GNL3L: variants seen among roughly 807,000 people sequenced by gnomAD.
GNL3L encodes G protein nucleolar 3 like.
Under a neutral mutation model 42.9 loss-of-function variants are expected in GNL3L, and 4 were observed. The observed-to-expected ratio is 0.09, with a 90% confidence interval of 0.05 to 0.21. GNL3L has a LOEUF of 0.21. Among genes scored for constraint, GNL3L ranks in the 10% least tolerant of loss-of-function variants. GNL3L has a pLI of 1.00. For missense variants in GNL3L, 412 were observed against 481.7 expected (o/e 0.86, Z 1.36); for synonymous variants, 159 against 176.3 (o/e 0.90, Z 0.78).
chrX:54,634,183 C>A, the GNL3L span, among the ~76,000 whole-genome samples: 1 of 112,331 alleles, frequency 8.9e-6, no homozygotes, highest in Non-Finnish European at 1.9e-5. Context: ...AATCCTTGGC[C>A]ATTATTTCTT....
intron 16 of GNL3L, among the ~76,000 whole-genome samples, chrX:54,606,682 C>T (rs1245827868): frequency 9.4e-6 from 1 of 106,262 alleles, no homozygotes; most frequent in Admixed American, 1.0e-4. Flanking sequence ...AGTCTGTCTC[C>T]CAGTATGGAA....
intron 2 of GNL3L, among the ~76,000 whole-genome samples, chrX:54,535,772 G>A (rs1248865003): frequency 9.1e-6 from 1 of 110,204 alleles, no homozygotes; most frequent in Non-Finnish European, 1.9e-5. Flanking sequence ...TCCTTTTTTT[G>A]TTGTTTTTTT....
In GNL3L at chrX:54,544,219, C is replaced by T; in HGVS notation, c.527-4C>T. 9.0e-7 allele frequency: 1 copy of T among 1,109,483 alleles called. No individual in the cohort carries two copies. Among genetic ancestry groups the T allele is most frequent in the Non-Finnish European group, 1.2e-6 (1 of 803,658 alleles). The allele number at this position is 1,109,483 out of a possible 1,213,427, so 91.4% of individuals were successfully genotyped here. Reference sequence around the variant, plus strand: ...AGCCCCATCTGTTCCTATATTTACCCCAGACCTGGTCCCCAAGGAGGTTGT... The same window carrying T: ...AGCCCCATCTGTTCCTATATTTACCTCAGACCTGGTCCCCAAGGAGGTTGT... On this transcript the variant is annotated splice_polypyrimidine_tract_variant and splice_region_variant and intron_variant, in intron 7 of 15. Coordinates refer to ENST00000360845, the MANE Select transcript of GNL3L (RefSeq NM_001184819.2).
intron 16 of GNL3L, among the ~76,000 whole-genome samples, chrX:54,576,831 A>G (rs761378861): frequency 1.8e-5 from 2 of 111,531 alleles, no homozygotes; most frequent in Non-Finnish European, 3.8e-5. Flanking sequence ...ATTTGTTTCT[A>G]TTTATCTCAT....
At chrX:54,617,944 A>G (rs1056194007) in intron 16 of GNL3L, among the ~76,000 whole-genome samples, 2 of 111,691 alleles carry the variant, frequency 1.8e-5, no homozygotes, top group African/African-American at 6.5e-5. Context: ...CACTATTCCA[A>G]TGGGTCTCTT....
At chrX:54,532,772 C>A (rs768321591) in intron 2 of GNL3L, among the ~76,000 whole-genome samples, 187 bp downstream of exon 2, 1 of 111,684 alleles carries the variant, frequency 9.0e-6, no homozygotes, top group African/African-American at 3.3e-5. Context: ...GCATTTCCTG[C>A]CTCAGCCTAC....
chrX:54,572,682 G>C (rs1334905025), intron 16 of GNL3L, among the ~76,000 whole-genome samples: 4 of 108,413 alleles, frequency 3.7e-5, no homozygotes, highest in Non-Finnish European at 7.7e-5. Context: ...CTGGCGGGGG[G>C]CTGACCCCCC....
At chrX:54,623,572 A>C (rs1016886341), downstream of GNL3L, among the ~76,000 whole-genome samples, 8 of 111,718 alleles carry the variant, frequency 7.2e-5, no homozygotes, top group African/African-American at 2.6e-4. Context: ...CAGGTGTTGA[A>C]ATTTTGATAG....
chrX:54,580,122 A>G (rs1251121215), intron 16 of GNL3L, among the ~76,000 whole-genome samples: 2 of 97,457 alleles, frequency 2.1e-5, no homozygotes, highest in Non-Finnish European at 4.0e-5. Flanking sequence ...AACATTAGGT[A>G]TATCTCCTAG....
chrX:54,540,057 T>G, intron 3 of GNL3L, 78 bp from the exon 4 acceptor site: 1 of 596,333 alleles, frequency 1.7e-6, no homozygotes, highest in East Asian at 3.4e-5. Context: ...GTCTTCCTTC[T>G]AGGGCTTCTT....
chrX:54,560,092 A>T (rs1348147362), intron 15 of GNL3L, among the ~76,000 whole-genome samples: 3 of 110,587 alleles, frequency 2.7e-5, no homozygotes, highest in Non-Finnish European at 5.7e-5. Flanking sequence ...CATCCTGAGG[A>T]ACAACAGGGT....
intron 16 of GNL3L, among the ~76,000 whole-genome samples, chrX:54,597,917 G>T (rs1023458184): frequency 2.7e-5 from 3 of 111,145 alleles, no homozygotes; most frequent in Non-Finnish European, 5.7e-5. Flanking sequence ...GCCACTGCTG[G>T]GGGGATGGTG....
chrX:54,543,697 C>T (rs1924690499), intron 7 of GNL3L, among the ~76,000 whole-genome samples: 1 of 111,528 alleles, frequency 9.0e-6, no homozygotes, highest in Non-Finnish European at 1.9e-5. Flanking sequence ...TGATTCTTTT[C>T]TCTGAGACAC....
rs758476748 is a variant in GNL3L, at chrX:54,562,892, A to C, written c.*2290A>C. On this transcript the variant is annotated 3_prime_UTR_variant, in exon 16 of 16. Coordinates refer to ENST00000360845, the MANE Select transcript of GNL3L (RefSeq NM_001184819.2). ...CCCAAGCGTGATTAAAACCCTATGC[A>C]GGCCCTTTCCTCTATATTGTACTGC... Among the ~76,000 whole-genome samples, 10 of 110,795 alleles carry C rather than the reference A, an allele frequency of 9.0e-5. No individual in the cohort carries two copies. The East Asian group carries it at 2.3e-3, about 26-fold the overall frequency.
chrX:54,629,077 T>C, the GNL3L span, among the ~76,000 whole-genome samples: 1 of 108,389 alleles, frequency 9.2e-6, no homozygotes, highest in African/African-American at 3.3e-5. Context: ...TTACTGTTGG[T>C]GTATAGTAGG....
At chrX:54,567,745 A>G (rs951082679), downstream of GNL3L, among the ~76,000 whole-genome samples, 1 of 109,879 alleles carries the variant, frequency 9.1e-6, no homozygotes, top group African/African-American at 3.3e-5. Context: ...AGTATGTTAG[A>G]TTTTTGTATT....
chrX:54,574,070 G>A (rs1210204001), intron 16 of GNL3L, among the ~76,000 whole-genome samples: 2 of 111,234 alleles, frequency 1.8e-5, no homozygotes, highest in Admixed American at 1.9e-4. Context: ...CAGTTTGGCT[G>A]GATCATATCA....
chrX:54,582,915 T>C (rs1029143306), intron 16 of GNL3L, among the ~76,000 whole-genome samples: 5 of 112,355 alleles, frequency 4.5e-5, no homozygotes, highest in Admixed American at 2.8e-4. Context: ...GCTAATGTTG[T>C]TGAACATCTT....
chrX:54,622,976 G>A (rs1926306783), downstream of GNL3L, among the ~76,000 whole-genome samples: 1 of 111,877 alleles, frequency 8.9e-6, no homozygotes, highest in African/African-American at 3.3e-5. Context: ...TGAAGAGACT[G>A]TTCTTACCCT....
Sources: gnomAD v4.1 joint callset for allele counts (sites outside exome capture counted in the v4.1 genomes callset) on GRCh38, gnomAD v4.1.1 for gene constraint, MANE v1.5 for transcripts, NCBI Gene and HGNC (gene_info 2026-07-23, HGNC 2026-07-21) for gene names.